Variants in ADCY2 observed in about 807,000 individuals in gnomAD.
ADCY2 encodes the protein adenylate cyclase 2.
A neutral mutation model predicts 125.2 loss-of-function variants in ADCY2; 31 were observed. The observed-to-expected ratio is 0.25, with a 90% confidence interval of 0.19 to 0.33. The LOEUF is 0.33. Ranked by LOEUF, ADCY2 falls within the 10% of genes least tolerant of loss-of-function variation. The pLI is 1.00. For synonymous variants in ADCY2, 512 were observed against 548.4 expected (o/e 0.93, Z 0.93); for missense variants, 904 against 1,418.2 (o/e 0.64, Z 5.82).
chr5:7,515,314 G>A (rs1317263058), intron 2 of ADCY2, among the ~76,000 whole-genome samples: 1 of 152,242 alleles, frequency 6.6e-6, no homozygotes, highest in Non-Finnish European at 1.5e-5. Context: ...TGCCTAGTGA[G>A]TTTTTGTTGT....
At chr5:7,823,087 C>G (rs1745354192) in intron 24 of ADCY2, among the ~76,000 whole-genome samples, 1 of 152,196 alleles carries the variant, frequency 6.6e-6, no homozygotes. Flanking sequence ...TTTACCCCAT[C>G]TCGTTCATTC....
At chr5:7,763,255 C>A (rs1035091773) in intron 16 of ADCY2, among the ~76,000 whole-genome samples, 1 of 151,412 alleles carries the variant, frequency 6.6e-6, no homozygotes. Flanking sequence ...CACGCCCGGC[C>A]AATTTTTTGT....
At chr5:7,757,384 A>G in intron 15 of ADCY2, 65 bp from the exon 16 acceptor site, 3 of 1,570,462 alleles carry the variant, frequency 1.9e-6, no homozygotes, top group Non-Finnish European at 2.6e-6. Context: ...AAACATTGTC[A>G]TCAAGAAACT....
intron 1 of ADCY2, among the ~76,000 whole-genome samples, chr5:7,411,773 G>A (rs1041652679): frequency 6.6e-6 from 1 of 152,114 alleles, no homozygotes; most frequent in Non-Finnish European, 1.5e-5. Context: ...TTGACAGAGA[G>A]ATCCTTTAAA....
At chr5:7,780,102 G>A (rs1418982523) in intron 18 of ADCY2, among the ~76,000 whole-genome samples, 3 of 152,168 alleles carry the variant, frequency 2.0e-5, no homozygotes, top group Admixed American at 6.5e-5. Context: ...AAAGTAGACC[G>A]AGTGTGTCTT....
At chr5:7,456,058 G>A (rs998086933) in intron 2 of ADCY2, among the ~76,000 whole-genome samples, 1 of 151,410 alleles carries the variant, frequency 6.6e-6, no homozygotes, top group African/African-American at 2.4e-5. Flanking sequence ...ATTTTATAGT[G>A]TCTGTAGGAA....
rs370679171 is a variant in ADCY2 at position 7,660,214 on chromosome 5, TGGAG to T, written c.721-30456_721-30453del. Among the ~76,000 whole-genome samples the T allele has an allele frequency of 4.1e-3, 335 of 81,998 alleles. 5 individuals carry two copies. Among genetic ancestry groups the T allele is most frequent in the African/African-American group, 0.012 (259 of 20,780 alleles). The allele number at this position is 81,998 out of a possible 152,430, so 53.8% of individuals were successfully genotyped here. ...AGTGGAAAAGAAAGAAAGAAAAGGA[TGGAG>T]GGAGGGAGGGAGGGAGGGAGAGAAG... On this transcript the variant is annotated intron_variant, in intron 4 of 24. Coordinates refer to ENST00000338316, the MANE Select transcript of ADCY2 (RefSeq NM_020546.3).
At position 7,829,109 on chromosome 5, in the gene ADCY2, T is replaced by G. The variant is rs1745568888; in HGVS notation, c.*2238T>G. 6.6e-6 allele frequency: 1 copy of G among 152,320 alleles called. No individual in the cohort carries two copies. Among genetic ancestry groups the G allele is most frequent in the South Asian group, 2.1e-4 (1 of 4,834 alleles). The allele number at this position is 152,320 out of a possible 1,614,324, so 9.4% of individuals were successfully genotyped here. A position where few individuals can be genotyped will look rare whatever the true frequency, so the allele number is the denominator to read the frequency against. Reference sequence around the variant, plus strand: ...CTGTGTGTACCTGGTCCCTTCTAGGTGTGGTCCCATAGGAGCAGCCTTAGC... The same window carrying G: ...CTGTGTGTACCTGGTCCCTTCTAGGGGTGGTCCCATAGGAGCAGCCTTAGC... On this transcript the variant is annotated 3_prime_UTR_variant, in exon 25 of 25. Transcript: ENST00000338316.
intron 11 of ADCY2, among the ~76,000 whole-genome samples, chr5:7,716,555 A>G (rs1741596131): frequency 6.6e-6 from 1 of 152,254 alleles, no homozygotes; most frequent in Non-Finnish European, 1.5e-5. Flanking sequence ...CATCTTTACT[A>G]TCCCAAAAAC....
At chr5:7,752,297 G>A (rs6880246) in intron 15 of ADCY2, among the ~76,000 whole-genome samples, 30 of 152,210 alleles carry the variant, frequency 2.0e-4, no homozygotes, top group African/African-American at 5.5e-4. Flanking sequence ...TCAGAATGAC[G>A]GTCCTCAGCT....
At chr5:7,806,187 C>A (rs955245001) in intron 22 of ADCY2, among the ~76,000 whole-genome samples, 1 of 152,060 alleles carries the variant, frequency 6.6e-6, no homozygotes, top group South Asian at 2.1e-4. Context: ...GTACAACATT[C>A]TTTTAATTTT....
intron 2 of ADCY2, among the ~76,000 whole-genome samples, chr5:7,440,914 C>G (rs951992624): frequency 6.6e-6 from 1 of 152,098 alleles, no homozygotes; most frequent in East Asian, 1.9e-4. Flanking sequence ...TAGAACAGCC[C>G]TTTGAGGTAG....
intron 2 of ADCY2, among the ~76,000 whole-genome samples, chr5:7,428,516 C>G (rs897789112): frequency 5.3e-5 from 8 of 151,976 alleles, no homozygotes; most frequent in African/African-American, 1.7e-4. Flanking sequence ...TAATACATAC[C>G]ACACTGTGTA....
intron 2 of ADCY2, among the ~76,000 whole-genome samples, chr5:7,502,203 A>G (rs1743618684): frequency 6.6e-6 from 1 of 152,124 alleles, no homozygotes; most frequent in Non-Finnish European, 1.5e-5. Flanking sequence ...CACACACCAA[A>G]TGCAAGTGGG....
Position 7,717,441 on chromosome 5 carries a change from T to C in ADCY2, c.1703+204T>C, listed in dbSNP as rs568651530. Among the ~76,000 whole-genome samples the C allele has an allele frequency of 2.9e-4, 44 of 152,272 alleles. No individual in the cohort carries two copies. The South Asian group carries it at 8.5e-3, about 29-fold the overall frequency. On this transcript the variant is annotated intron_variant, in intron 12 of 24. Coordinates refer to ENST00000338316, the MANE Select transcript of ADCY2 (RefSeq NM_020546.3). ...AAATATTTAATCCCTGCCTAGAAAA[T>C]ATTCCCAAGTTGATTGCTGATAAAC... is the stretch of plus-strand genomic sequence containing the variant.
intron 3 of ADCY2, among the ~76,000 whole-genome samples, chr5:7,556,198 A>G (rs1169342572): frequency 6.6e-6 from 1 of 152,194 alleles, no homozygotes; most frequent in Admixed American, 6.5e-5. Flanking sequence ...ACAACCTTAT[A>G]TATAAATTTT....
At chr5:7,707,287 A>G (rs995301377) in intron 8 of ADCY2, among the ~76,000 whole-genome samples, 1 of 152,236 alleles carries the variant, frequency 6.6e-6, no homozygotes, top group African/African-American at 2.4e-5. Flanking sequence ...TCTGGGGAGA[A>G]TAACGTATTT....
intron 3 of ADCY2, among the ~76,000 whole-genome samples, chr5:7,523,272 GAGCTGGGTTTTTTGTTTA>G (rs142637867): frequency 0.02 from 3,045 of 149,814 alleles, 119 homozygotes; most frequent in African/African-American, 0.071. Flanking sequence ...ATTCTTTATT[GAGCTGGGTTTTTTGTTTA>G]AGCATTTTTA....
At chr5:7,700,232 T>C (rs1741034175) in intron 7 of ADCY2, among the ~76,000 whole-genome samples, 1 of 152,216 alleles carries the variant, frequency 6.6e-6, no homozygotes, top group African/African-American at 2.4e-5. Flanking sequence ...TTTTTTTCAC[T>C]GTGATTCCAG....
Sources: allele counts gnomAD v4.1 joint callset (sites outside exome capture counted in the v4.1 genomes callset), GRCh38; gene constraint gnomAD v4.1.1; transcripts MANE v1.5; gene names NCBI Gene and HGNC (gene_info 2026-07-23, HGNC 2026-07-21).